The following CDC45 variants were observed in gnomAD, a reference collection of about 807,000 sequenced individuals.
CDC45 encodes cell division cycle 45.
A neutral mutation model predicts 77.8 loss-of-function variants in CDC45; 54 were observed. The observed-to-expected ratio is 0.69, with a 90% confidence interval of 0.56 to 0.87. The LOEUF (loss-of-function observed/expected upper bound fraction) is 0.87, where lower values mean the gene tolerates loss of function less well. CDC45 is among the 40% of genes least tolerant of loss of function. The pLI, the probability that CDC45 is intolerant of heterozygous loss-of-function variation, is 0.00. For missense variants in CDC45, 649 were observed against 721.6 expected (o/e 0.90, Z 1.15); for synonymous variants, 260 against 272.1 (o/e 0.96, Z 0.44).
chr22:19,503,741 A>G (rs1034786016), intron 9 of CDC45, among the ~76,000 whole-genome samples: 1 of 152,136 alleles, frequency 6.6e-6, no homozygotes, highest in African/African-American at 2.4e-5. Flanking sequence ...GGCCCTTCCT[A>G]TTATTAGGGA....
chr22:19,513,886 C>T (rs1227866386), intron 13 of CDC45, among the ~76,000 whole-genome samples: 3 of 152,116 alleles, frequency 2.0e-5, no homozygotes, highest in Non-Finnish European at 2.9e-5. Flanking sequence ...CTTACATTTT[C>T]CATAGCTTTG....
intron 5 of CDC45, among the ~76,000 whole-genome samples, chr22:19,484,937 T>TG (rs1364774020): frequency 6.9e-5 from 4 of 57,952 alleles, no homozygotes; most frequent in Non-Finnish European, 2.2e-4. Context: ...TTGTTTTTTG[T>TG]TTTTTTTTTG....
rs2146405788 is a variant in CDC45 at position 19,505,481 on chromosome 22, A to T, written c.824A>T (p.Asp275Val). ...TGCACACGGATCTCCTTTGAGTATG[A>T]GTATCCTTGTGGCCCAGCCTGAGGG... ...VDCTRISFEY[D>V]LRLVLYQHWS... is the part of the protein sequence containing the mutation. Residue 275 changes from aspartate (D) to valine (V), a missense_variant and splice_region_variant, in exon 10 of 19, where the codon GAC (aspartate) becomes GTC (valine). Asp to Val is a radical substitution (Grantham distance 152, BLOSUM62 -3). Transcript: ENST00000263201. The T allele has an allele frequency of 6.2e-7, 1 of 1,614,012 alleles. No homozygotes were observed. Among genetic ancestry groups the T allele is most frequent in the Non-Finnish European group, 8.5e-7 (1 of 1,179,954 alleles).
chr22:19,516,589 T>C lies in CDC45; in HGVS notation c.1503T>C (p.His501=). 2 of 1,613,768 alleles carry C rather than the reference T, an allele frequency of 1.2e-6. No individual in the cohort carries two copies. Among genetic ancestry groups the C allele is most frequent in the South Asian group, 1.1e-5 (1 of 91,064 alleles). Residue 501 remains histidine (H), a synonymous_variant, in exon 16 of 19, where the codon CAT becomes CAC. Coordinates refer to ENST00000263201, the MANE Select transcript of CDC45 (RefSeq NM_003504.5). ...TGGCTGCCCCCCTGAGCATGGAGCATGGCACAGTGACCGTGGTGGGCATCC... is the reference window on the plus strand; with the variant it reads ...TGGCTGCCCCCCTGAGCATGGAGCACGGCACAGTGACCGTGGTGGGCATCC... ...LVMAAPLSME[H]GTVTVVGIPP... is the part of the protein sequence containing the mutation.
At chr22:19,511,723 C>T (rs926021856) in intron 13 of CDC45, among the ~76,000 whole-genome samples, 1 of 152,140 alleles carries the variant, frequency 6.6e-6, no homozygotes, top group Non-Finnish European at 1.5e-5. Flanking sequence ...TTCACTTTGG[C>T]AGTGTCCTGT....
chr22:19,498,578 C>T (rs563477632), intron 8 of CDC45, among the ~76,000 whole-genome samples: 368 of 152,346 alleles, frequency 2.4e-3, no homozygotes, highest in Admixed American at 4.6e-3. Context: ...GAGGCCTAAA[C>T]ACTGCTACTC....
intron 6 of CDC45, among the ~76,000 whole-genome samples, chr22:19,495,681 G>A (rs966984882): frequency 6.6e-6 from 1 of 152,110 alleles, no homozygotes; most frequent in Non-Finnish European, 1.5e-5. Context: ...AATTAGCTGG[G>A]TGTAGTGGCA....
chr22:19,479,913 C>A (rs1473040208), upstream of CDC45: 18 of 1,597,794 alleles, frequency 1.1e-5, no homozygotes, highest in Non-Finnish European at 1.5e-5. Flanking sequence ...GAGTCTTGAC[C>A]GCCGCCGGGC....
At chr22:19,488,447 C>A (rs573504253) in intron 5 of CDC45, among the ~76,000 whole-genome samples, 18 of 152,352 alleles carry the variant, frequency 1.2e-4, no homozygotes, top group African/African-American at 4.3e-4. Context: ...CCTGCAGGGT[C>A]TCTCCATTGA....
At position 19,483,969 on chromosome 22, in the gene CDC45, G is replaced by A; in HGVS notation, c.450G>A (p.Gly150=). 5.0e-6 allele frequency: 8 copies of A among 1,612,328 alleles called. 1 individual carries two copies. Among genetic ancestry groups the A allele is most frequent in the Admixed American group, 3.4e-5 (2 of 59,308 alleles). The change falls in exon 5 of 19, where the codon GGG becomes GGA. Residue 150 remains glycine, a synonymous_variant. Transcript: ENST00000263201. ...DEEHSGNDSD[G]SEPSEKRTRL... ...AGCATTCAGGAAATGACAGTGATGG[G>A]TCAGAGCCTTCTGAGAAGCGCACAC...
chr22:19,493,237 T>G (rs13058088), intron 5 of CDC45, among the ~76,000 whole-genome samples: 3,420 of 17,780 alleles, frequency 0.19, 151 homozygotes, highest in African/African-American at 0.4. Context: ...GTTTTTTTTT[T>G]TGTTGTTTTG....
At chr22:19,482,550 T>A in intron 3 of CDC45, 140 bp from the exon 4 acceptor site, 1 of 828,716 alleles carries the variant, frequency 1.2e-6, no homozygotes, top group Non-Finnish European at 1.8e-6. Flanking sequence ...GCCTGGCCAT[T>A]TTTTGGAGTC....
At chr22:19,496,662 G>A (rs2090248383) in intron 7 of CDC45, among the ~76,000 whole-genome samples, 1 of 152,168 alleles carries the variant, frequency 6.6e-6, no homozygotes, top group African/African-American at 2.4e-5. Context: ...TGGGGAGGGT[G>A]CTGATGCTCA....
chr22:19,497,981 A>G (rs1216343423), intron 8 of CDC45, among the ~76,000 whole-genome samples: 1 of 151,258 alleles, frequency 6.6e-6, no homozygotes, highest in Non-Finnish European at 1.5e-5. Flanking sequence ...CAGCCTGGCC[A>G]ACATGGTAAA....
rs556124745 is a variant in CDC45 at position 19,490,920 on chromosome 22, C to T, written c.487-3407C>T. Among the ~76,000 whole-genome samples, 22 of 151,170 alleles carry T rather than the reference C, an allele frequency of 1.5e-4. 1 individual carries two copies. The highest frequency in any genetic ancestry group is 3.4e-4 in the African/African-American group (14 of 41,192). The stretch of plus-strand genomic sequence containing the variant: ...TCAGCTTACTACAACCTCTACCTCT[C>T]GGGTTCAAGCAGTACTCCTGCCTCA... On this transcript the variant is annotated intron_variant, in intron 5 of 18. Coordinates refer to ENST00000263201, the MANE Select transcript of CDC45 (RefSeq NM_003504.5).
intron 7 of CDC45, among the ~76,000 whole-genome samples, chr22:19,496,992 G>A (rs1385925792): frequency 6.6e-6 from 1 of 152,092 alleles, no homozygotes; most frequent in African/African-American, 2.4e-5. Flanking sequence ...GTGTGCGGAT[G>A]CAGAGCCAGG....
At chr22:19,482,350 G>T (rs567090850) in intron 3 of CDC45, among the ~76,000 whole-genome samples, 3 of 152,354 alleles carry the variant, frequency 2.0e-5, no homozygotes, top group Non-Finnish European at 4.4e-5. Flanking sequence ...GCCTGGAGAG[G>T]CACGCAGCAT....
intron 6 of CDC45, among the ~76,000 whole-genome samples, chr22:19,494,827 G>C (rs896636923): frequency 1.3e-5 from 2 of 152,204 alleles, no homozygotes; most frequent in African/African-American, 4.8e-5. Context: ...CCATCCAGCT[G>C]ATGTTCCCCC....
chr22:19,499,514 G>A (rs904548953), intron 9 of CDC45, among the ~76,000 whole-genome samples: 2 of 152,084 alleles, frequency 1.3e-5, no homozygotes, highest in Non-Finnish European at 2.9e-5. Flanking sequence ...CAGGTTGGGG[G>A]CGGGATGAGA....
Sources: allele counts gnomAD v4.1 joint callset (sites outside exome capture counted in the v4.1 genomes callset), GRCh38; gene constraint gnomAD v4.1.1; transcripts MANE v1.5; gene names NCBI Gene and HGNC (gene_info 2026-07-23, HGNC 2026-07-21).